Variants in GSTCD observed in about 807,000 individuals in gnomAD.
GSTCD encodes glutathione S-transferase C-terminal domain-containing protein.
In GSTCD, 44 loss-of-function variants were observed where a neutral mutation model predicts 68.3. That is an observed-to-expected ratio of 0.64 (90% CI 0.51 to 0.83). The LOEUF (loss-of-function observed/expected upper bound fraction) is 0.83. Among genes scored for constraint, GSTCD ranks in the 40% least tolerant of loss-of-function variants. GSTCD has a pLI of 0.00. For synonymous variants in GSTCD, 273 were observed against 255.2 expected (o/e 1.07, Z -0.67); for missense variants, 739 against 735.9 (o/e 1.00, Z -0.05).
intron 1 of GSTCD, among the ~76,000 whole-genome samples, chr4:105,709,570 C>T (rs1374015397): frequency 6.6e-6 from 1 of 152,124 alleles, no homozygotes; most frequent in Non-Finnish European, 1.5e-5. Context: ...GTTTAATTTG[C>T]ATGAAAGTTG....
chr4:105,766,624 C>A (rs556473522), intron 5 of GSTCD, among the ~76,000 whole-genome samples: 1 of 152,122 alleles, frequency 6.6e-6, no homozygotes, highest in African/African-American at 2.4e-5. Flanking sequence ...AAATTACACT[C>A]ATGTTCATAG....
At chr4:105,796,921 A>G (rs1578483213) in intron 5 of GSTCD, among the ~76,000 whole-genome samples, 1 of 152,192 alleles carries the variant, frequency 6.6e-6, no homozygotes, top group Non-Finnish European at 1.5e-5. Flanking sequence ...ATCGGCTTCC[A>G]AGAAGTTCCT....
chr4:105,722,389 C>T (rs1732885876), intron 3 of GSTCD, among the ~76,000 whole-genome samples: 1 of 151,954 alleles, frequency 6.6e-6, no homozygotes, highest in Admixed American at 6.6e-5. Flanking sequence ...TCATTAGGTC[C>T]TCAAGAGCTT....
At chr4:105,732,579 C>T (rs1356949833) in intron 5 of GSTCD, among the ~76,000 whole-genome samples, 7 of 151,948 alleles carry the variant, frequency 4.6e-5, no homozygotes, top group African/African-American at 1.7e-4. Flanking sequence ...ATTCTTCTCT[C>T]TTGTCTTCTT....
intron 3 of GSTCD, among the ~76,000 whole-genome samples, chr4:105,723,537 G>A (rs1337820465): frequency 6.6e-6 from 1 of 151,724 alleles, no homozygotes; most frequent in Non-Finnish European, 1.5e-5. Context: ...GAGAGGATGT[G>A]TATAGGTTAT....
At chr4:105,729,877 A>G (rs959267626) in intron 5 of GSTCD, among the ~76,000 whole-genome samples, 9 of 152,052 alleles carry the variant, frequency 5.9e-5, no homozygotes, top group African/African-American at 2.2e-4. Context: ...ATATCTCCTA[A>G]TGCTATCCCT....
intron 5 of GSTCD, among the ~76,000 whole-genome samples, chr4:105,773,935 G>C (rs1331266007): frequency 2.0e-5 from 3 of 152,116 alleles, no homozygotes; most frequent in Non-Finnish European, 4.4e-5. Flanking sequence ...TCATTGGTCT[G>C]GCTAATATTG....
intron 5 of GSTCD, among the ~76,000 whole-genome samples, chr4:105,791,292 C>T (rs2149255542): frequency 6.6e-6 from 1 of 150,906 alleles, no homozygotes; most frequent in East Asian, 2.0e-4. Flanking sequence ...ACTCGGGAGG[C>T]TGAGGCAGGA....
intron 8 of GSTCD, chr4:105,827,189 C>T (rs945494031): frequency 2.9e-4 from 44 of 152,100 alleles, no homozygotes; most frequent in Admixed American, 2.9e-3. Flanking sequence ...TTAAACCAGT[C>T]CAGATATTAC....
At chr4:105,755,120 C>T (rs1734141050) in intron 5 of GSTCD, among the ~76,000 whole-genome samples, 2 of 146,784 alleles carry the variant, frequency 1.4e-5, no homozygotes, top group Admixed American at 1.4e-4. Flanking sequence ...TGGTATTGCG[C>T]ACCTGTAGTT....
At chr4:105,781,598 A>G (rs1735276164) in intron 5 of GSTCD, among the ~76,000 whole-genome samples, 1 of 152,062 alleles carries the variant, frequency 6.6e-6, no homozygotes, top group African/African-American at 2.4e-5. Context: ...TCATGACTCT[A>G]TTAGCATTCT....
chr4:105,782,318 C>A (rs888207029), intron 5 of GSTCD, among the ~76,000 whole-genome samples: 2 of 152,022 alleles, frequency 1.3e-5, no homozygotes, highest in African/African-American at 4.8e-5. Context: ...GGCAACATAG[C>A]AAGATCTCAT....
chr4:105,729,906 A>T (rs1733172010), intron 5 of GSTCD, among the ~76,000 whole-genome samples: 1 of 151,140 alleles, frequency 6.6e-6, no homozygotes, highest in Non-Finnish European at 1.5e-5. Flanking sequence ...CCCCTACCCC[A>T]CAACAGGCCC....
chr4:105,823,690 CAAA>C (rs575003488), intron 7 of GSTCD: 5,735 of 101,814 alleles, frequency 0.056, 173 homozygotes, highest in Admixed American at 0.13. Flanking sequence ...TTTTTTAAAG[CAAA>C]AAAAAAAAAA....
At position 105,815,988 on chromosome 4, in the gene GSTCD, T is replaced by C. The variant is rs1430348781; in HGVS notation, c.1241-6966T>C. On this transcript the variant is annotated intron_variant, in intron 5 of 11. Transcript: ENST00000515279. The stretch of plus-strand genomic sequence containing the variant: ...GTTCAATTAACTGTGGATTCTGGTA[T>C]TCGGAAATTAAATTTTTTTTTTCAT... Among the ~76,000 whole-genome samples, 3 of 152,252 alleles carry C rather than the reference T, an allele frequency of 2.0e-5. No individual in the cohort carries two copies. In the East Asian group the frequency reaches 5.8e-4, roughly 29 times the overall value.
At chr4:105,735,538 G>T (rs1733431584) in intron 5 of GSTCD, among the ~76,000 whole-genome samples, 1 of 152,178 alleles carries the variant, frequency 6.6e-6, no homozygotes. Flanking sequence ...ACTGTATTAG[G>T]GTGGGAGTGA....
intron 5 of GSTCD, among the ~76,000 whole-genome samples, chr4:105,730,846 G>T (rs528849432): frequency 6.6e-6 from 1 of 152,228 alleles, no homozygotes; most frequent in South Asian, 2.1e-4. Flanking sequence ...GTATTGCCTA[G>T]GTTTTCTTCT....
Position 105,789,701 on chromosome 4 carries a change from AT to A in GSTCD, c.1241-33250del, listed in dbSNP as rs1424296619. Among the ~76,000 whole-genome samples, 3 of 151,964 alleles carry A rather than the reference AT, an allele frequency of 2.0e-5. No homozygotes were observed. The East Asian group carries it at 5.8e-4, about 29-fold the overall frequency. On this transcript the variant is annotated intron_variant, in intron 5 of 11. Transcript: ENST00000515279. ...CCATCCCCTTTACTATATTCTGCTC[AT>A]TTGAAGTGAGTCACTAGGTTCAGCC...
intron 4 of GSTCD, 85 bp downstream of exon 4, chr4:105,726,915 A>T (rs1175230785): frequency 9.0e-7 from 1 of 1,106,300 alleles, no homozygotes; most frequent in African/African-American, 1.6e-5. Flanking sequence ...TCATTTGTTG[A>T]CATTATTTTT....
Sources: allele counts gnomAD v4.1 joint callset (sites outside exome capture counted in the v4.1 genomes callset), GRCh38; gene constraint gnomAD v4.1.1; transcripts MANE v1.5; gene names NCBI Gene and HGNC (gene_info 2026-07-23, HGNC 2026-07-21).